ARHGAP42: variants seen among roughly 807,000 people sequenced by gnomAD.
The protein encoded by ARHGAP42 is rho GTPase-activating protein 42.
In ARHGAP42, 63 loss-of-function variants were observed where a neutral mutation model predicts 125.0. The ratio of observed to expected loss-of-function variants is 0.50; its 90% CI spans 0.41 to 0.62. ARHGAP42 has a LOEUF of 0.62. Ranked by LOEUF, ARHGAP42 falls within the 20% of genes least tolerant of loss-of-function variation. ARHGAP42 has a pLI of 0.00. For missense variants in ARHGAP42, 766 were observed against 1,024.2 expected, an observed-to-expected ratio of 0.75 and a Z score of 3.44; for synonymous variants, 339 against 351.0, an observed-to-expected ratio of 0.97 and a Z score of 0.38.
chr11:100,836,162 G>A (rs1043947642), intron 3 of ARHGAP42, among the ~76,000 whole-genome samples: 2 of 151,860 alleles, frequency 1.3e-5, no homozygotes, highest in African/African-American at 4.8e-5. Flanking sequence ...TTATTGACTT[G>A]GCCAAGATTA....
At chr11:100,904,112 C>T (rs1384587766) in intron 4 of ARHGAP42, among the ~76,000 whole-genome samples, 1 of 152,108 alleles carries the variant, frequency 6.6e-6, no homozygotes, top group African/African-American at 2.4e-5. Flanking sequence ...ATCCTTCAAT[C>T]TAATCAAGTT....
At chr11:100,886,361 A>G (rs1254207724) in intron 4 of ARHGAP42, among the ~76,000 whole-genome samples, 1 of 152,216 alleles carries the variant, frequency 6.6e-6, no homozygotes, top group Non-Finnish European at 1.5e-5. Flanking sequence ...TGAAGGGGCT[A>G]ATTAACCATC....
chr11:100,708,450 C>T lies in ARHGAP42; in HGVS notation c.154+20618C>T, dbSNP rs369908268. On this transcript the variant is annotated intron_variant, in intron 1 of 23. Transcript: ENST00000298815. ...ATCACCTGAGCCCAGGAGGTCAAGG[C>T]TGCAGTGAGCCATGATGAAGCCTTG... Among the ~76,000 whole-genome samples, 10 of 152,114 alleles carry T rather than the reference C, an allele frequency of 6.6e-5. No individual in the cohort carries two copies. In the East Asian group the frequency reaches 1.9e-3, roughly 29 times the overall value.
chr11:100,864,457 C>G (rs925959777), intron 4 of ARHGAP42, among the ~76,000 whole-genome samples: 1 of 152,150 alleles, frequency 6.6e-6, no homozygotes, highest in Non-Finnish European at 1.5e-5. Context: ...GCTGGGATTA[C>G]AGTCGTGAGC....
At chr11:100,906,666 A>G (rs1376200560) in intron 4 of ARHGAP42, among the ~76,000 whole-genome samples, 3 of 152,000 alleles carry the variant, frequency 2.0e-5, no homozygotes, top group Admixed American at 6.6e-5. Context: ...CAGCAGTTCT[A>G]TTAGTCAGAT....
intron 1 of ARHGAP42, among the ~76,000 whole-genome samples, chr11:100,706,297 G>T (rs1861482039): frequency 6.6e-6 from 1 of 152,138 alleles, no homozygotes; most frequent in Non-Finnish European, 1.5e-5. Flanking sequence ...AAATCTTTGG[G>T]ACTCAGGAGA....
At position 100,965,700 on chromosome 11, in the gene ARHGAP42, G is replaced by A. The variant is rs1047883372; in HGVS notation, c.1474G>A (p.Ala492Thr). The A allele has an allele frequency of 2.4e-5, 37 of 1,550,572 alleles. No homozygotes were observed. The highest frequency in any genetic ancestry group is 3.1e-5 in the Non-Finnish European group (35 of 1,146,890). ...KSDDQNYRVE[A>T]VHALVHKLPE... ...TGATGATCAAAACTACAGGGTGGAGGCTGTACATGCATTGGTGCACAAATT... is the reference window on the plus strand; with the variant it reads ...TGATGATCAAAACTACAGGGTGGAGACTGTACATGCATTGGTGCACAAATT... Residue 492 changes from alanine to threonine, a missense_variant, in exon 17 of 24, where the codon GCT becomes ACT. Ala to Thr is a moderately conservative substitution (Grantham distance 58, BLOSUM62 0). Around this residue, in one of 3 missense-constraint regions of ARHGAP42, gnomAD observed 455 missense variants for 636.5 expected, o/e 0.71. Transcript: ENST00000298815.
chr11:100,837,474 A>T (rs1484071600), intron 3 of ARHGAP42, among the ~76,000 whole-genome samples: 1 of 152,010 alleles, frequency 6.6e-6, no homozygotes, highest in Non-Finnish European at 1.5e-5. Flanking sequence ...GTAAGTATAA[A>T]AGTTTTATTG....
At chr11:100,972,437 G>C (rs1858272610) in intron 17 of ARHGAP42, among the ~76,000 whole-genome samples, 1 of 152,262 alleles carries the variant, frequency 6.6e-6, no homozygotes, top group Non-Finnish European at 1.5e-5. Context: ...TGTCAAGCCA[G>C]CAATGATGCT....
intron 22 of ARHGAP42, among the ~76,000 whole-genome samples, chr11:100,985,870 G>C (rs1443039309): frequency 1.3e-5 from 2 of 152,180 alleles, no homozygotes. Flanking sequence ...AAGATCCAGG[G>C]TTGAGCTCCA....
intron 1 of ARHGAP42, among the ~76,000 whole-genome samples, chr11:100,739,376 G>C (rs1862131553): frequency 6.6e-6 from 1 of 151,954 alleles, no homozygotes; most frequent in South Asian, 2.1e-4. Flanking sequence ...TTGAAATCCT[G>C]AGAAACATTT....
chr11:100,786,478 A>G (rs555961620), intron 2 of ARHGAP42, among the ~76,000 whole-genome samples: 2 of 152,282 alleles, frequency 1.3e-5, no homozygotes, highest in Admixed American at 6.5e-5. Flanking sequence ...GCATGTATCT[A>G]TTTGCCAAAA....
At chr11:100,695,501 C>T (rs1201163657) in intron 1 of ARHGAP42, among the ~76,000 whole-genome samples, 1 of 152,130 alleles carries the variant, frequency 6.6e-6, no homozygotes, top group Non-Finnish European at 1.5e-5. Flanking sequence ...GATGGGGTTT[C>T]ACCATGTTGG....
intron 1 of ARHGAP42, among the ~76,000 whole-genome samples, chr11:100,719,677 T>C (rs1301739696): frequency 6.6e-6 from 1 of 152,198 alleles, no homozygotes; most frequent in East Asian, 1.9e-4. Flanking sequence ...TGTGTGTGTG[T>C]GTTGTGTGTG....
At chr11:100,872,429 T>G (rs1358739940) in intron 4 of ARHGAP42, among the ~76,000 whole-genome samples, 1 of 152,088 alleles carries the variant, frequency 6.6e-6, no homozygotes, top group Non-Finnish European at 1.5e-5. Flanking sequence ...AGAATCTCGC[T>G]CTGTCACCTA....
intron 4 of ARHGAP42, among the ~76,000 whole-genome samples, chr11:100,888,635 A>C (rs193263348): frequency 6.6e-5 from 10 of 152,344 alleles, no homozygotes; most frequent in Admixed American, 5.9e-4. Flanking sequence ...GGCTTAAAAT[A>C]ATAACTTGTT....
chr11:100,747,988 T>C (rs1036211321), intron 1 of ARHGAP42, among the ~76,000 whole-genome samples: 3 of 141,644 alleles, frequency 2.1e-5, no homozygotes, highest in East Asian at 2.4e-4. Flanking sequence ...CCCACCCCCC[T>C]TTTTTTTTCT....
intron 2 of ARHGAP42, among the ~76,000 whole-genome samples, chr11:100,779,519 C>T (rs1372199387): frequency 7.8e-6 from 1 of 127,680 alleles, no homozygotes; most frequent in African/African-American, 2.9e-5. Flanking sequence ...TATATATATA[C>T]GTATACATGC....
At chr11:100,772,456 G>A (rs1333509158) in intron 2 of ARHGAP42, among the ~76,000 whole-genome samples, 2 of 152,166 alleles carry the variant, frequency 1.3e-5, no homozygotes, top group Admixed American at 6.5e-5. Context: ...TTTGAGGGGA[G>A]GGTGTAGTGG....
Sources: gnomAD v4.1 joint callset for allele counts (sites outside exome capture counted in the v4.1 genomes callset) on GRCh38, gnomAD v4.1.1 for gene constraint, gnomAD v4.1.1 regional missense constraint, MANE v1.5 for transcripts, NCBI Gene and HGNC (gene_info 2026-07-23, HGNC 2026-07-21) for gene names.